The following TLL2 variants were observed in gnomAD, a reference collection of about 807,000 sequenced individuals.
TLL2 encodes tolloid-like protein 2.
A neutral mutation model predicts 123.0 loss-of-function variants in TLL2; 106 were observed. That is an observed-to-expected ratio of 0.86 (90% CI 0.74 to 1.01). The LOEUF is 1.01. Among genes scored for constraint, TLL2 ranks in the 50% least tolerant of loss-of-function variants. The probability of loss-of-function intolerance (pLI) is 0.00; values close to 1 mark genes in which losing one functional copy is unlikely to be tolerated. For synonymous variants in TLL2, 494 were observed against 516.8 expected, an observed-to-expected ratio of 0.96 and a Z score of 0.60; for missense variants, 1,332 against 1,336.7, an observed-to-expected ratio of 1.00 and a Z score of 0.06.
intron 5 of TLL2, among the ~76,000 whole-genome samples, chr10:96,423,936 A>T (rs1022714169): frequency 6.6e-6 from 1 of 152,238 alleles, no homozygotes; most frequent in Non-Finnish European, 1.5e-5. Flanking sequence ...GTACACACAG[A>T]AAATATGTAC....
chr10:96,383,925 C>T (rs544867985), intron 16 of TLL2, among the ~76,000 whole-genome samples: 2 of 152,246 alleles, frequency 1.3e-5, no homozygotes, highest in East Asian at 3.9e-4. Flanking sequence ...GCCACCACGC[C>T]CGGCCTAAAC....
intron 4 of TLL2, among the ~76,000 whole-genome samples, chr10:96,431,580 G>C (rs1846740966): frequency 6.6e-6 from 1 of 152,174 alleles, no homozygotes; most frequent in Non-Finnish European, 1.5e-5. Flanking sequence ...CCGCAGGTAC[G>C]CAGTGGGCAT....
intron 1 of TLL2, among the ~76,000 whole-genome samples, chr10:96,506,486 G>A (rs77949141): frequency 0.014 from 2,113 of 151,354 alleles, 50 homozygotes; most frequent in African/African-American, 0.048. Context: ...GAGCTGAGGT[G>A]CTGCTGCATG....
intron 3 of TLL2, among the ~76,000 whole-genome samples, chr10:96,438,377 G>A (rs1057399190): frequency 5.9e-5 from 9 of 152,204 alleles, no homozygotes; most frequent in East Asian, 1.9e-4. Flanking sequence ...GAGTGATTGC[G>A]TATATGGCAT....
At chr10:96,428,511 C>T in intron 5 of TLL2, 120 bp downstream of exon 5, 1 of 673,846 alleles carries the variant, frequency 1.5e-6, no homozygotes, top group Non-Finnish European at 2.5e-6. Flanking sequence ...AAGTTTCTAG[C>T]AAACCCTGGA....
chr10:96,443,868 C>A (rs919935911), intron 3 of TLL2, among the ~76,000 whole-genome samples: 3 of 152,136 alleles, frequency 2.0e-5, no homozygotes, highest in African/African-American at 7.2e-5. Context: ...GATCTGAAAG[C>A]AAGCCCTGCA....
chr10:96,432,831 A>G lies in TLL2; in HGVS notation c.496T>C (p.Tyr166His), dbSNP rs1404377191. 1 of 1,614,114 alleles carries G rather than the reference A, an allele frequency of 6.2e-7. No individual in the cohort carries two copies. Among genetic ancestry groups the G allele is most frequent in the East Asian group, 2.2e-5 (1 of 44,856 alleles). ...ERIWPGGVIPYVIGGNFTGSQ... is the reference protein window; with the variant it reads ...ERIWPGGVIPHVIGGNFTGSQ... ...CCAGTGAAGTTCCCTCCAATGACGT[A>G]GGGGATGACTCCTCCAGGCCATATC... Residue 166 changes from tyrosine (Y) to histidine (H), a missense_variant, in exon 4 of 21, where the codon TAC (tyrosine) becomes CAC (histidine). Coordinates refer to ENST00000357947, the MANE Select transcript of TLL2 (RefSeq NM_012465.4).
intron 6 of TLL2, 92 bp downstream of exon 6, chr10:96,422,456 GC>G: frequency 6.9e-7 from 1 of 1,441,938 alleles, no homozygotes; most frequent in South Asian, 1.3e-5. Flanking sequence ...GCATTGCTCA[GC>G]TCCCAGCAAG....
chr10:96,367,053 AG>A lies in TLL2; in HGVS notation c.*1034del, dbSNP rs1846035774. Reference sequence around the variant, plus strand: ...TTAACCTGATTGGCTACAGGAAGCTAGTCACTGATTGACTTGTTCCACAAGG... The same window carrying A: ...TTAACCTGATTGGCTACAGGAAGCTATCACTGATTGACTTGTTCCACAAGG... On this transcript the variant is annotated 3_prime_UTR_variant, in exon 21 of 21. Transcript: ENST00000357947. The A allele has an allele frequency of 6.6e-6, 1 of 152,386 alleles. No homozygotes were observed. Among genetic ancestry groups the A allele is most frequent in the Admixed American group, 6.5e-5 (1 of 15,282 alleles). The allele number at this position is 152,386 out of a possible 1,614,324, so 9.4% of individuals were successfully genotyped here. A position where few individuals can be genotyped will look rare whatever the true frequency, so the allele number is the denominator to read the frequency against.
chr10:96,445,007 G>A lies in TLL2; in HGVS notation c.364+1084C>T, dbSNP rs192800831. Reference sequence around the variant, plus strand: ...GACCGAGACCATCCTGGCTAACACGGTGAAACCCCGTCTCTACTAAAAATA... The same window carrying A: ...GACCGAGACCATCCTGGCTAACACGATGAAACCCCGTCTCTACTAAAAATA... On this transcript the variant is annotated intron_variant, in intron 3 of 20. Transcript: ENST00000357947. Among the ~76,000 whole-genome samples the A allele has an allele frequency of 6.6e-3, 1,010 of 152,190 alleles. 9 individuals carry two copies. The highest frequency in any genetic ancestry group is 0.023 in the African/African-American group (958 of 41,500).
chr10:96,411,245 G>A (rs1430964232), intron 8 of TLL2, among the ~76,000 whole-genome samples: 6 of 119,142 alleles, frequency 5.0e-5, no homozygotes, highest in Admixed American at 2.9e-4. Flanking sequence ...GTGACAGAGT[G>A]AGACTCTGTC....
At chr10:96,432,469 T>C (rs1352753131) in intron 4 of TLL2, among the ~76,000 whole-genome samples, 2 of 152,134 alleles carry the variant, frequency 1.3e-5, no homozygotes, top group Non-Finnish European at 2.9e-5. Context: ...AAGCCAACCA[T>C]GTGCAGTTGC....
At chr10:96,396,100 G>A in intron 11 of TLL2, 80 bp from the exon 12 acceptor site, 11 of 1,538,254 alleles carry the variant, frequency 7.2e-6, no homozygotes, top group Non-Finnish European at 9.7e-6. Flanking sequence ...GGAGGCGGGG[G>A]GAACAGCGCT....
intron 1 of TLL2, among the ~76,000 whole-genome samples, chr10:96,499,922 C>A (rs969187398): frequency 6.6e-6 from 1 of 151,806 alleles, no homozygotes; most frequent in African/African-American, 2.4e-5. Context: ...ATACTTTTCT[C>A]CAACCAGCAA....
intron 9 of TLL2, 64 bp from the exon 10 acceptor site, chr10:96,405,398 C>T: frequency 6.9e-7 from 1 of 1,458,842 alleles, no homozygotes; most frequent in Non-Finnish European, 9.6e-7. Context: ...GAAGATATAT[C>T]TTGCATACTG....
chr10:96,435,686 A>C (rs1846789324), intron 3 of TLL2, among the ~76,000 whole-genome samples: 2 of 152,326 alleles, frequency 1.3e-5, no homozygotes, highest in Admixed American at 1.3e-4. Flanking sequence ...GTAAACATCT[A>C]ACTGTCCTAG....
intron 7 of TLL2, among the ~76,000 whole-genome samples, chr10:96,413,660 C>T (rs1212628657): frequency 2.0e-5 from 3 of 152,108 alleles, no homozygotes; most frequent in Non-Finnish European, 4.4e-5. Context: ...GTGTGAATGG[C>T]GCCCCCTGCA....
At chr10:96,437,951 T>C (rs937612103) in intron 3 of TLL2, among the ~76,000 whole-genome samples, 6 of 152,358 alleles carry the variant, frequency 3.9e-5, no homozygotes, top group Non-Finnish European at 8.8e-5. Flanking sequence ...TGGGTCTATT[T>C]CTGGGTTCTC....
At chr10:96,380,884 G>A (rs1450148523) in intron 16 of TLL2, among the ~76,000 whole-genome samples, 1 of 151,510 alleles carries the variant, frequency 6.6e-6, no homozygotes, top group Non-Finnish European at 1.5e-5. Context: ...GGCTGAGGCA[G>A]GAGAATCGCT....
Sources: gnomAD v4.1 joint callset for allele counts (sites outside exome capture counted in the v4.1 genomes callset) on GRCh38, gnomAD v4.1.1 for gene constraint, MANE v1.5 for transcripts, NCBI Gene and HGNC (gene_info 2026-07-23, HGNC 2026-07-21) for gene names.